Variants in MYH9 observed in about 807,000 individuals in gnomAD.
MYH9 encodes the protein myosin-9.
MYH9 carries 29 observed loss-of-function variants against 241.9 expected under a neutral mutation model. The observed-to-expected ratio is 0.12, with a 90% CI of 0.09 to 0.16. MYH9 has a LOEUF of 0.16. Among genes scored for constraint, MYH9 ranks in the 10% least tolerant of loss-of-function variants. MYH9 has a pLI of 1.00. For missense variants in MYH9, 1,803 were observed against 2,595.5 expected (o/e 0.69, Z 6.63); for synonymous variants, 1,047 against 1,062.6 (o/e 0.99, Z 0.29).
intron 1 of MYH9, among the ~76,000 whole-genome samples, chr22:36,354,074 G>A (rs1364514373): frequency 6.6e-6 from 1 of 151,928 alleles, no homozygotes; most frequent in African/African-American, 2.4e-5. Flanking sequence ...CTAATTTTTT[G>A]TATTTTTAGT....
Position 36,293,681 on chromosome 22 carries a change from G to T in MYH9, c.3942+78C>A, listed in dbSNP as rs541996377. On this transcript the variant is annotated intron_variant, in intron 29 of 40. Transcript: ENST00000216181. The surrounding 1 kb of genome is among the most constrained non-coding windows in gnomAD (Gnocchi z 5.1). Reference sequence around the variant, plus strand: ...AAGGAGAGGATGGGCAATCCGATGGGCTCTGAAGCTAATGTTGCGTGGACA... The same window carrying T: ...AAGGAGAGGATGGGCAATCCGATGGTCTCTGAAGCTAATGTTGCGTGGACA... 35 of 1,397,572 alleles carry T rather than the reference G, an allele frequency of 2.5e-5. No individual in the cohort carries two copies. In the South Asian group the frequency reaches 3.9e-4, roughly 15 times the overall value. 86.6% of individuals were successfully genotyped at this position (1,397,572 alleles called of 1,614,324 possible).
intron 1 of MYH9, among the ~76,000 whole-genome samples, chr22:36,353,123 G>GTGTGTGTGTTCA (rs2017798588): frequency 6.6e-6 from 1 of 151,658 alleles, no homozygotes; most frequent in Non-Finnish European, 1.5e-5. Flanking sequence ...GTGTGTGTGT[G>GTGTGTGTGTTCA]TGTGTGTGTA....
At position 36,326,526 on chromosome 22, in the gene MYH9, G is replaced by A. The variant is rs972029657; in HGVS notation, c.612+42C>T. The A allele has an allele frequency of 2.6e-6, 4 of 1,560,142 alleles. No homozygotes were observed. The Admixed American group carries it at 5.0e-5, about 20-fold the overall frequency. On this transcript the variant is annotated intron_variant, in intron 5 of 40. Transcript: ENST00000216181. Reference sequence around the variant, plus strand: ...TGCTCTTCCTCCATCATCCCACCAAGGCCAAGCAGGCGGCCACAGGGACAA... The same window carrying A: ...TGCTCTTCCTCCATCATCCCACCAAAGCCAAGCAGGCGGCCACAGGGACAA...
In MYH9 at chr22:36,310,269, C is replaced by CAAA. The variant is rs575607583; in HGVS notation, c.1729-876_1729-874dup. ...TGGGCAACAGAACAAGACTCCGTCT[C>CAAA]AAAAAAAAAAAAAAAAGATAGAGAT... On this transcript the variant is annotated intron_variant, in intron 14 of 40. Coordinates refer to ENST00000216181, the MANE Select transcript of MYH9 (RefSeq NM_002473.6). Among the ~76,000 whole-genome samples, 7 of 133,932 alleles carry CAAA rather than the reference C, an allele frequency of 5.2e-5. 1 individual carries two copies. Among genetic ancestry groups the CAAA allele is most frequent in the Non-Finnish European group, 6.2e-5 (4 of 64,712 alleles). The allele number at this position is 133,932 out of a possible 152,430, so 87.9% of individuals were successfully genotyped here.
At chr22:36,331,127 C>G (rs1424939972) in intron 3 of MYH9, among the ~76,000 whole-genome samples, 1 of 152,112 alleles carries the variant, frequency 6.6e-6, no homozygotes, top group Non-Finnish European at 1.5e-5. Flanking sequence ...AAGCCACAGC[C>G]GAGAGCGCTG....
At chr22:36,314,531 T>G (rs2017119633) in intron 12 of MYH9, among the ~76,000 whole-genome samples, 1 of 152,234 alleles carries the variant, frequency 6.6e-6, no homozygotes, top group Non-Finnish European at 1.5e-5. Context: ...CCGCGGGCAG[T>G]CTGGTAAAGC....
chr22:36,289,065 C>A lies in MYH9; in HGVS notation c.4557+20G>T. ...CACTCGGGCCCTTCCCAAGACCTGGCTGCCAGGCCCAGGACTCACACTCTT... is the reference window on the plus strand; with the variant it reads ...CACTCGGGCCCTTCCCAAGACCTGGATGCCAGGCCCAGGACTCACACTCTT... On this transcript the variant is annotated intron_variant, in intron 32 of 40. Coordinates refer to ENST00000216181, the MANE Select transcript of MYH9 (RefSeq NM_002473.6). 1 of 1,613,994 alleles carries A rather than the reference C, an allele frequency of 6.2e-7. No homozygotes were observed. The highest frequency in any genetic ancestry group is 8.5e-7 in the Non-Finnish European group (1 of 1,179,988).
chr22:36,361,297 C>A (rs1296344160), intron 1 of MYH9, among the ~76,000 whole-genome samples: 1 of 150,404 alleles, frequency 6.6e-6, no homozygotes, highest in Non-Finnish European at 1.5e-5. Context: ...GAACTTAGTG[C>A]CCGGGCCCCA....
intron 19 of MYH9, among the ~76,000 whole-genome samples, chr22:36,303,296 A>G (rs1440176973): frequency 2.0e-5 from 3 of 151,854 alleles, no homozygotes. Context: ...TTCCCCAGGG[A>G]GTCAAAGATG....
At position 36,384,603 on chromosome 22, in the gene MYH9, AAAAAAAAAATATATATATAT is replaced by A. The variant is rs1326872326; in HGVS notation, c.-20+3184_-20+3203del. Among the ~76,000 whole-genome samples, 156 of 47,176 alleles carry A rather than the reference AAAAAAAAAATATATATATAT, an allele frequency of 3.3e-3. 3 individuals are homozygous for A. Among genetic ancestry groups the A allele is most frequent in the African/African-American group, 0.01 (149 of 14,598 alleles). 30.9% of individuals were successfully genotyped at this position (47,176 alleles called of 152,430 possible). A position where few individuals can be genotyped will look rare whatever the true frequency, so the allele number is the denominator to read the frequency against. On this transcript the variant is annotated intron_variant, in intron 1 of 40. Transcript: ENST00000216181. ...GTCTCAAAAAAAAAAAAAAAAAAAA[AAAAAAAAAATATATATATAT>A]ATATATATATATATATATATATATA...
chr22:36,288,446 TGGACCCACTG>T lies in MYH9; in HGVS notation c.4771-43_4771-34del. Reference sequence around the variant, plus strand: ...AAGGAACATCAACAACTTGGGAAGCTGGACCCACTGGGAGACCCTGCCCTAGCTCTGAACT... The same window carrying T: ...AAGGAACATCAACAACTTGGGAAGCTGGAGACCCTGCCCTAGCTCTGAACT... On this transcript the variant is annotated intron_variant, in intron 33 of 40. Coordinates refer to ENST00000216181, the MANE Select transcript of MYH9 (RefSeq NM_002473.6). The surrounding 1 kb of genome is among the most constrained non-coding windows in gnomAD (Gnocchi z 4.8). 6.2e-7 allele frequency: 1 copy of T among 1,603,582 alleles called. No homozygotes were observed. The highest frequency in any genetic ancestry group is 8.5e-7 in the Non-Finnish European group (1 of 1,179,862).
In MYH9 at chr22:36,288,426, A is replaced by T. The variant is rs778838410; in HGVS notation, c.4771-13T>A. ...CCATCTCCCGCACCTGGGGGAAGGA[A>T]CATCAACAACTTGGGAAGCTGGACC... On this transcript the variant is annotated splice_polypyrimidine_tract_variant and intron_variant, in intron 33 of 40. Transcript: ENST00000216181. The surrounding 1 kb of genome is among the most constrained non-coding windows in gnomAD (Gnocchi z 4.8). 1 of 1,606,746 alleles carries T rather than the reference A, an allele frequency of 6.2e-7. No individual in the cohort carries two copies. Among genetic ancestry groups the T allele is most frequent in the East Asian group, 2.2e-5 (1 of 44,818 alleles).
rs779428678 is a variant in MYH9 at position 36,293,811 on chromosome 22, C to T, written c.3890G>A (p.Ser1297Asn). The part of the protein sequence containing the change: ...GLLSQSDSKS[S>N]KLTKDFSALE... ...CGCGGAGAAGTCCTTGGTGAGCTTG[C>T]TGGACTTGCTGTCGGACTGGCTGAG... Residue 1297 changes from serine (S) to asparagine (N), a missense_variant, in exon 29 of 41, where the codon AGC becomes AAC. By Grantham distance (46) the Ser-to-Asn change is conservative. This residue lies in a region of MYH9 where 876 missense variants were observed against 1,077.8 expected (regional missense o/e 0.81). Transcript: ENST00000216181. This position sits in a 1 kb window ranked among gnomAD's most constrained non-coding sequence, Gnocchi z 5.1. 1.9e-6 allele frequency: 3 copies of T among 1,613,954 alleles called. No individual in the cohort carries two copies. The highest frequency in any genetic ancestry group is 1.6e-4 in the Middle Eastern group (1 of 6,062).
intron 15 of MYH9, 54 bp downstream of exon 15, chr22:36,309,228 A>C: frequency 6.8e-7 from 1 of 1,473,840 alleles, no homozygotes. Flanking sequence ...TGGAGGTGGG[A>C]AGATGACCAG....
At chr22:36,331,396 A>G (rs376955933) in intron 3 of MYH9, among the ~76,000 whole-genome samples, 1 of 152,102 alleles carries the variant, frequency 6.6e-6, no homozygotes, top group African/African-American at 2.4e-5. Context: ...TTCATTTTCA[A>G]CCGAAAATGT....
rs144960450 is a variant in MYH9, at chr22:36,292,836, G to C, written c.4095+493C>G. On this transcript the variant is annotated intron_variant, in intron 30 of 40. Transcript: ENST00000216181. The stretch of plus-strand genomic sequence containing the variant: ...TGTAACAGGCATGAAATAAACATGG[G>C]ATCAGCAGGGCAACCAGTACAGAAA... Among the ~76,000 whole-genome samples, 35 of 152,310 alleles carry C rather than the reference G, an allele frequency of 2.3e-4. 1 individual carries two copies. In the East Asian group the frequency reaches 6.7e-3, roughly 29 times the overall value.
intron 27 of MYH9, among the ~76,000 whole-genome samples, chr22:36,294,515 C>T (rs1301060180): frequency 6.6e-6 from 1 of 152,228 alleles, no homozygotes; most frequent in African/African-American, 2.4e-5. Flanking sequence ...CTGCTTAGGA[C>T]ATCTCACAGC....
intron 38 of MYH9, among the ~76,000 whole-genome samples, 180 bp downstream of exon 38, chr22:36,284,941 C>T (rs2016554185): frequency 6.6e-6 from 1 of 152,176 alleles, no homozygotes; most frequent in African/African-American, 2.4e-5. Flanking sequence ...CTGTTCAAAC[C>T]CCACAAGCTC....
intron 23 of MYH9, 56 bp from the exon 24 acceptor site, chr22:36,299,098 T>C: frequency 3.7e-6 from 6 of 1,611,524 alleles, no homozygotes; most frequent in Non-Finnish European, 5.1e-6. Flanking sequence ...GAACACTTGC[T>C]AGCCTCAAAG....
Sources: gnomAD v4.1 joint callset for allele counts (sites outside exome capture counted in the v4.1 genomes callset) on GRCh38, gnomAD v4.1.1 for gene constraint, gnomAD v4.1.1 regional missense constraint, Gnocchi (gnomAD v3.1) non-coding constraint, MANE v1.5 for transcripts, NCBI Gene and HGNC (gene_info 2026-07-23, HGNC 2026-07-21) for gene names.